The following ZFYVE26 variants were observed in gnomAD, a reference collection of about 807,000 sequenced individuals.
ZFYVE26 encodes zinc finger FYVE-type containing 26, also known as zinc finger FYVE domain-containing protein 26.
ZFYVE26 carries 181 observed loss-of-function variants against 276.5 expected under a neutral mutation model. The ratio of observed to expected loss-of-function variants is 0.65; its 90% CI spans 0.58 to 0.74. The LOEUF is 0.74. Ranked by LOEUF, ZFYVE26 falls within the 30% of genes least tolerant of loss-of-function variation. The pLI, the probability that ZFYVE26 is intolerant of heterozygous loss-of-function variation, is 0.00. For synonymous variants in ZFYVE26, 1,129 were observed against 1,203.1 expected, an observed-to-expected ratio of 0.94 and a Z score of 1.27; for missense variants, 2,821 against 3,097.9, an observed-to-expected ratio of 0.91 and a Z score of 2.12.
chr14:67,779,274 A>G (rs994686457), intron 23 of ZFYVE26, among the ~76,000 whole-genome samples: 1 of 152,224 alleles, frequency 6.6e-6, no homozygotes, highest in African/African-American at 2.4e-5. Context: ...ATAAAAAGGT[A>G]ACAAGGGGCC....
intron 41 of ZFYVE26, among the ~76,000 whole-genome samples, chr14:67,749,964 A>G (rs952365785): frequency 6.6e-6 from 1 of 152,196 alleles, no homozygotes; most frequent in Non-Finnish European, 1.5e-5. Context: ...ACTGCATTAG[A>G]CAGCTGCTGA....
At chr14:67,814,922 G>A (rs977366722) in intron 2 of ZFYVE26, among the ~76,000 whole-genome samples, 2 of 152,162 alleles carry the variant, frequency 1.3e-5, no homozygotes, top group African/African-American at 4.8e-5. Flanking sequence ...ACAGTCAAAG[G>A]AAGGAAAACC....
At chr14:67,812,318 A>T (rs1197911269) in intron 3 of ZFYVE26, among the ~76,000 whole-genome samples, 1 of 152,236 alleles carries the variant, frequency 6.6e-6, no homozygotes, top group Non-Finnish European at 1.5e-5. Flanking sequence ...TTGCTTACAC[A>T]TGGAGAGATA....
rs1010980812 is a variant in ZFYVE26 at position 67,753,930 on chromosome 14, C to A, written c.7128+141G>T. ...TAAGAATGATCAAAATGGACCTGAT[C>A]ACCAGTCTTTGGTGGCTCATATTCT... On this transcript the variant is annotated intron_variant, in intron 38 of 41. Transcript: ENST00000347230. The A allele has an allele frequency of 3.3e-5, 50 of 1,516,098 alleles. No homozygotes were observed. In the Admixed American group the frequency reaches 8.4e-4, roughly 25 times the overall value. The allele number at this position is 1,516,098 out of a possible 1,614,324, so 93.9% of individuals were successfully genotyped here.
In ZFYVE26 at chr14:67,729,210, C is replaced by T; in HGVS notation, n.3288+1G>A. The T allele has an allele frequency of 6.2e-7, 1 of 1,612,630 alleles. No individual in the cohort carries two copies. Among genetic ancestry groups the T allele is most frequent in the Non-Finnish European group, 8.5e-7 (1 of 1,180,004 alleles). Reference sequence around the variant, plus strand: ...TCCCAGGCACCGGGGTCACCACCTACGCAGTGCACCCAGGCGTCGTCCGCT... The same window carrying T: ...TCCCAGGCACCGGGGTCACCACCTATGCAGTGCACCCAGGCGTCGTCCGCT... On this transcript the variant is annotated splice_donor_variant and non_coding_transcript_variant, in intron 14 of 14. Transcript: ENST00000394455.
At chr14:67,814,486 TCCAGCCTG>T (rs2040361943) in intron 2 of ZFYVE26, among the ~76,000 whole-genome samples, 1 of 151,938 alleles carries the variant, frequency 6.6e-6, no homozygotes, top group Admixed American at 6.5e-5. Flanking sequence ...GCCACTGCAC[TCCAGCCTG>T]GGTGACAGAG....
intron 35 of ZFYVE26, among the ~76,000 whole-genome samples, chr14:67,758,485 G>C (rs1352889149): frequency 6.6e-6 from 1 of 152,116 alleles, no homozygotes; most frequent in Non-Finnish European, 1.5e-5. Context: ...GGTCCAGATG[G>C]AAAGACTCAA....
At chr14:67,815,597 G>A in intron 2 of ZFYVE26, 173 bp downstream of exon 2, 1 of 687,188 alleles carries the variant, frequency 1.5e-6, no homozygotes. Flanking sequence ...AGCCAATATT[G>A]ACTAAGTAAT....
chr14:67,744,178 T>C (rs1273045324), downstream of ZFYVE26, among the ~76,000 whole-genome samples: 1 of 152,200 alleles, frequency 6.6e-6, no homozygotes, highest in South Asian at 2.1e-4. Context: ...AAGAGTCTAA[T>C]AGCCTTTGAT....
intron 29 of ZFYVE26, among the ~76,000 whole-genome samples, chr14:67,769,235 A>T (rs1357845316): frequency 6.6e-6 from 1 of 152,228 alleles, no homozygotes; most frequent in Non-Finnish European, 1.5e-5. Context: ...AGGTGTGAAC[A>T]TGTCCATTTG....
At chr14:67,756,439 C>T in intron 35 of ZFYVE26, 1 of 459,492 alleles carries the variant, frequency 2.2e-6, no homozygotes. Flanking sequence ...ACCCATAATT[C>T]CCATTGAAAC....
In ZFYVE26 at chr14:67,769,715, G is replaced by A. The variant is rs371201801; in HGVS notation, c.5500C>T (p.His1834Tyr). The A allele has an allele frequency of 7.4e-6, 12 of 1,614,084 alleles. No individual in the cohort carries two copies. The highest frequency in any genetic ancestry group is 1.0e-5 in the Non-Finnish European group (12 of 1,180,018). ...EHFTMFNRRH[H>Y]CRRCGRLVCS... ...ACTAGCCGGCCACAGCGGCGACAAT[G>A]ATGACGCCTGTTAAACTGAGGAATG... is the stretch of plus-strand genomic sequence containing the variant. The change falls in exon 29 of 42, where the codon CAT becomes TAT. Residue 1834 changes from histidine (H) to tyrosine (Y), a missense_variant. His to Tyr is a moderately conservative substitution (Grantham distance 83, BLOSUM62 2). Coordinates refer to ENST00000347230, the MANE Select transcript of ZFYVE26 (RefSeq NM_015346.4).
At chr14:67,777,858 C>CTT in intron 24 of ZFYVE26, 123 bp from the exon 25 acceptor site, 46 of 1,086,988 alleles carry the variant, frequency 4.2e-5, no homozygotes, top group Non-Finnish European at 5.7e-5. Context: ...CTCTATACTC[C>CTT]TTTTTTTTTT....
chr14:67,750,602 G>A (rs2038611192), intron 41 of ZFYVE26: 1 of 217,460 alleles, frequency 4.6e-6, no homozygotes, highest in South Asian at 7.2e-5. Context: ...TCTGGAGACC[G>A]AGACATTGTT....
chr14:67,757,272 C>T (rs1324158316), intron 35 of ZFYVE26, among the ~76,000 whole-genome samples: 2 of 152,226 alleles, frequency 1.3e-5, no homozygotes, highest in Non-Finnish European at 1.5e-5. Flanking sequence ...CACGTTACTC[C>T]TCTGCTCACA....
intron 31 of ZFYVE26, 82 bp from the exon 32 acceptor site, chr14:67,766,529 T>G: frequency 7.5e-7 from 1 of 1,328,070 alleles, no homozygotes; most frequent in South Asian, 1.2e-5. Context: ...TGGCAGAAAT[T>G]ATCCTTCCCC....
At chr14:67,781,004 A>G (rs1057232023) in intron 22 of ZFYVE26, among the ~76,000 whole-genome samples, 1 of 152,262 alleles carries the variant, frequency 6.6e-6, no homozygotes, top group African/African-American at 2.4e-5. Context: ...TTTAAAACAA[A>G]CTTTATAGAA....
At chr14:67,780,494 C>A (rs2039471091) in intron 22 of ZFYVE26, 149 bp from the exon 23 acceptor site, 3 of 741,134 alleles carry the variant, frequency 4.0e-6, no homozygotes, top group Non-Finnish European at 7.0e-6. Flanking sequence ...GCAAATTGGG[C>A]AAAGATTATT....
chr14:67,783,128 G>A lies in ZFYVE26; in HGVS notation c.4024C>T (p.Arg1342Cys), dbSNP rs368778263. The change falls in exon 21 of 42, where the codon CGC becomes TGC. Residue 1342 changes from arginine to cysteine, a missense_variant. Coordinates refer to ENST00000347230, the MANE Select transcript of ZFYVE26 (RefSeq NM_015346.4). The part of the protein sequence containing the change: ...PSLSWKELRG[R>C]REVPLAAEQV... Reference sequence around the variant, plus strand: ...TCTGCAGCCAGAGGCACCTCCCTGCGGCCACGAAGTTCCTTCCATGACAAG... The same window carrying A: ...TCTGCAGCCAGAGGCACCTCCCTGCAGCCACGAAGTTCCTTCCATGACAAG... The A allele has an allele frequency of 9.2e-5, 148 of 1,608,562 alleles. 1 individual carries two copies. Among genetic ancestry groups the A allele is most frequent in the South Asian group, 4.4e-4 (40 of 90,758 alleles).
Sources: allele counts gnomAD v4.1 joint callset (sites outside exome capture counted in the v4.1 genomes callset), GRCh38; gene constraint gnomAD v4.1.1; transcripts MANE v1.5; gene names NCBI Gene and HGNC (gene_info 2026-07-23, HGNC 2026-07-21).